The following CDYL variants were observed in gnomAD, a reference collection of about 807,000 sequenced individuals.
The protein encoded by CDYL is chromodomain Y-like protein.
In CDYL, 8 loss-of-function variants were observed where a neutral mutation model predicts 47.3. The ratio of observed to expected loss-of-function variants is 0.17; its 90% CI spans 0.10 to 0.31. CDYL has a LOEUF of 0.31. CDYL is among the 10% of genes least tolerant of loss of function. The probability of loss-of-function intolerance (pLI) is 1.00; values close to 1 mark genes in which losing one functional copy is unlikely to be tolerated. For synonymous variants in CDYL, 266 were observed against 265.0 expected, an observed-to-expected ratio of 1.00 and a Z score of -0.04; for missense variants, 471 against 701.4, an observed-to-expected ratio of 0.67 and a Z score of 3.71.
intron 3 of CDYL, among the ~76,000 whole-genome samples, chr6:4,735,682 C>G (rs1485162313): frequency 6.6e-6 from 1 of 152,094 alleles, no homozygotes; most frequent in Non-Finnish European, 1.5e-5. Context: ...GGGAGAATCA[C>G]TTGAACCCAG....
At chr6:4,807,060 G>T (rs1156547472) in intron 1 of CDYL, among the ~76,000 whole-genome samples, 2 of 152,210 alleles carry the variant, frequency 1.3e-5, no homozygotes, top group African/African-American at 4.8e-5. Flanking sequence ...CGGTGTCTGT[G>T]TGTGTCCAAA....
At chr6:4,829,056 CT>C (rs1581194966) in intron 1 of CDYL, among the ~76,000 whole-genome samples, 2 of 152,186 alleles carry the variant, frequency 1.3e-5, no homozygotes, top group African/African-American at 4.8e-5. Flanking sequence ...TTAAGACAGT[CT>C]GCCTGGGTTT....
At chr6:4,801,183 T>C (rs1759215545) in intron 1 of CDYL, among the ~76,000 whole-genome samples, 1 of 152,220 alleles carries the variant, frequency 6.6e-6, no homozygotes, top group Admixed American at 6.5e-5. Flanking sequence ...TTTTAGTAAA[T>C]GTTTTGTTCA....
In CDYL at chr6:4,755,592, A is replaced by G. The variant is rs199634521; in HGVS notation, c.186+20748A>G. On this transcript the variant is annotated intron_variant, in intron 3 of 8. Coordinates refer to the CDYL transcript ENST00000328908. ...CTGTCACCTCAAATTCATTGTGTCA[A>G]CTATTAATCATTACTGTTCATTTCA... is the stretch of plus-strand genomic sequence containing the variant. 1.6e-4 allele frequency among the ~76,000 whole-genome samples: 25 copies of G among 152,340 alleles called. 1 individual carries two copies. In the South Asian group the frequency reaches 2.7e-3, roughly 16 times the overall value.
chr6:4,775,628 C>T (rs1401785817), upstream of CDYL, among the ~76,000 whole-genome samples: 1 of 151,302 alleles, frequency 6.6e-6, no homozygotes, highest in East Asian at 1.9e-4. The surrounding 1 kb of genome is among the most constrained non-coding windows in gnomAD (Gnocchi z 7.0). Context: ...GCCGCGCCCT[C>T]GCGCCGCCCT....
In CDYL at chr6:4,937,874, T is replaced by C. The variant is rs7775019; in HGVS notation, c.1121+137T>C. The C allele has an allele frequency of 8.5e-3, 5,616 of 660,060 alleles. 249 individuals are homozygous for C. The African/African-American group carries it at 0.095, about 11-fold the overall frequency. 40.9% of individuals were successfully genotyped at this position (660,060 alleles called of 1,614,324 possible). ...CATGGAGAGACACGAGCAGCAAAAT[T>C]AATTAAATCATCTGTCTCTTCTATG... is the stretch of plus-strand genomic sequence containing the variant. On this transcript the variant is annotated intron_variant, in intron 4 of 6. Transcript: ENST00000397588.
intron 1 of CDYL, among the ~76,000 whole-genome samples, chr6:4,852,519 CCTTCCTTCCTTCCAAT>C (rs1358041199): frequency 1.8e-5 from 2 of 111,178 alleles, no homozygotes; most frequent in Non-Finnish European, 3.5e-5. Flanking sequence ...TTCCAATCTT[CCTTCCTTCCTTCCAAT>C]CTTCCTTCCT....
chr6:4,851,790 A>G (rs2127463678), intron 1 of CDYL, among the ~76,000 whole-genome samples: 1 of 152,334 alleles, frequency 6.6e-6, no homozygotes, highest in East Asian at 1.9e-4. Context: ...GTCATTCTTC[A>G]TGTTTAAACC....
chr6:4,925,512 C>T (rs1581269021), intron 2 of CDYL, among the ~76,000 whole-genome samples: 2 of 148,644 alleles, frequency 1.3e-5, no homozygotes, highest in South Asian at 4.4e-4. Flanking sequence ...CCCAGGTTCA[C>T]TCATGCCATT....
chr6:4,828,772 G>C (rs2127452521), intron 1 of CDYL, among the ~76,000 whole-genome samples: 1 of 152,142 alleles, frequency 6.6e-6, no homozygotes, highest in Non-Finnish European at 1.5e-5. Context: ...TGTCCTGCTA[G>C]CCTACTAGGC....
At chr6:4,761,063 T>G (rs895972616) in intron 3 of CDYL, among the ~76,000 whole-genome samples, 2 of 152,194 alleles carry the variant, frequency 1.3e-5, no homozygotes, top group Admixed American at 1.3e-4. Flanking sequence ...TCTAAGACTC[T>G]CTTTTATAGA....
At chr6:4,742,509 C>T (rs1022320107) in intron 3 of CDYL, among the ~76,000 whole-genome samples, 3 of 149,676 alleles carry the variant, frequency 2.0e-5, no homozygotes, top group Non-Finnish European at 3.0e-5. Context: ...TGATCAAATC[C>T]TGCTGGAAAA....
intron 2 of CDYL, among the ~76,000 whole-genome samples, chr6:4,895,729 C>T (rs547875559): frequency 6.6e-6 from 1 of 152,042 alleles, no homozygotes; most frequent in Non-Finnish European, 1.5e-5. Context: ...TGAACTGCAG[C>T]CCTCGCCAGA....
At chr6:4,724,038 C>T (rs1757430994) in intron 2 of CDYL, among the ~76,000 whole-genome samples, 1 of 152,048 alleles carries the variant, frequency 6.6e-6, no homozygotes, top group Non-Finnish European at 1.5e-5. Context: ...GCATCTGTCC[C>T]CTCACTTTTT....
At chr6:4,720,812 C>T (rs7767658) in intron 2 of CDYL, among the ~76,000 whole-genome samples, 19,512 of 152,140 alleles carry the variant, frequency 0.13, 1,533 homozygotes, top group African/African-American at 0.23. Context: ...GAAAAGCATT[C>T]GGATCATGGT....
intron 1 of CDYL, among the ~76,000 whole-genome samples, chr6:4,796,095 G>T (rs762327732): frequency 2.0e-5 from 3 of 152,166 alleles, no homozygotes; most frequent in Admixed American, 6.5e-5. Context: ...GTGTAGCTGG[G>T]ACTACAGGCA....
chr6:4,740,376 C>T (rs6941758), intron 3 of CDYL, among the ~76,000 whole-genome samples: 34,809 of 151,988 alleles, frequency 0.23, 4,855 homozygotes, highest in African/African-American at 0.4. Context: ...TTAGTCGTCA[C>T]AGCTGGGGCA....
chr6:4,882,582 G>C (rs1037909129), intron 1 of CDYL, among the ~76,000 whole-genome samples: 1 of 152,162 alleles, frequency 6.6e-6, no homozygotes. Flanking sequence ...GGTTCTTTTG[G>C]GAGAAGAAGG....
At chr6:4,749,433 G>A (rs185007956) in intron 3 of CDYL, among the ~76,000 whole-genome samples, 33 of 151,856 alleles carry the variant, frequency 2.2e-4, no homozygotes, top group Admixed American at 8.5e-4. Context: ...TGGATGAATG[G>A]ATATGAGATG....
Sources: gnomAD v4.1 joint callset for allele counts (sites outside exome capture counted in the v4.1 genomes callset) on GRCh38, gnomAD v4.1.1 for gene constraint, Gnocchi (gnomAD v3.1) non-coding constraint, MANE v1.5 for transcripts, NCBI Gene and HGNC (gene_info 2026-07-23, HGNC 2026-07-21) for gene names.